Variants in TIAL1 observed in about 807,000 individuals in gnomAD.
TIAL1 encodes the protein nucleolysin TIAR.
A neutral mutation model predicts 59.7 loss-of-function variants in TIAL1; 7 were observed. The ratio of observed to expected loss-of-function variants is 0.12; its 90% CI spans 0.07 to 0.22. The LOEUF (loss-of-function observed/expected upper bound fraction) is 0.22, where lower values mean the gene tolerates loss of function less well. TIAL1 is among the 10% of genes least tolerant of loss of function. The pLI, the probability that TIAL1 is intolerant of heterozygous loss-of-function variation, is 1.00. For missense variants in TIAL1, 225 were observed against 462.5 expected (o/e 0.49, Z 4.71); for synonymous variants, 149 against 146.3 (o/e 1.02, Z -0.13).
chr10:119,577,072 C>T lies in TIAL1; in HGVS notation c.861+8G>A, dbSNP rs12245766. 14 of 1,612,446 alleles carry T rather than the reference C, an allele frequency of 8.7e-6. No homozygotes were observed. Among genetic ancestry groups the T allele is most frequent in the South Asian group, 3.3e-5 (3 of 90,544 alleles). ...AACCTTAAAGAATGCTATGAAAAAT[C>T]GAATTACCTGTTGGAAGTTTTTAGT... On this transcript the variant is annotated splice_region_variant and intron_variant, in intron 10 of 11. Transcript: ENST00000436547.
chr10:119,578,974 G>T, intron 6 of TIAL1, 140 bp from the exon 7 acceptor site: 1 of 642,530 alleles, frequency 1.6e-6, no homozygotes, highest in South Asian at 2.0e-5. Context: ...AAACGAAACT[G>T]AACTATTACC....
chr10:119,581,887 T>C, intron 5 of TIAL1, 35 bp downstream of exon 5: 2 of 1,478,516 alleles, frequency 1.4e-6, no homozygotes, highest in Non-Finnish European at 1.9e-6. Flanking sequence ...ATTCTGCCTA[T>C]CATGACTGAG....
chr10:119,582,370 T>C lies in TIAL1; in HGVS notation c.228+89A>G. The C allele has an allele frequency of 4.7e-6, 7 of 1,498,466 alleles. No homozygotes were observed. Among genetic ancestry groups the C allele is most frequent in the Non-Finnish European group, 6.2e-6 (7 of 1,121,348 alleles). The allele number at this position is 1,498,466 out of a possible 1,614,324, so 92.8% of individuals were successfully genotyped here. On this transcript the variant is annotated intron_variant, in intron 3 of 11. Coordinates refer to ENST00000436547, the MANE Select transcript of TIAL1 (RefSeq NM_003252.4). The surrounding 1 kb of genome is among the most constrained non-coding windows in gnomAD (Gnocchi z 5.1). ...AAAACCATCACTCAGCAGCCGAATA[T>C]CTGCTCAAAAATTTGCCTAGAAAGA...
chr10:119,596,725 C>T lies in TIAL1; in HGVS notation c.-260G>A, dbSNP rs1289906833. ...AACAGGGCAGAGCGCAGGCGCGACCCGCCAGGTCACCGCTCAGGCCAGCCG... is the reference window on the plus strand; with the variant it reads ...AACAGGGCAGAGCGCAGGCGCGACCTGCCAGGTCACCGCTCAGGCCAGCCG... On this transcript the variant is annotated 5_prime_UTR_variant, in exon 1 of 12. Transcript: ENST00000436547. 7.3e-6 allele frequency: 4 copies of T among 549,532 alleles called. No homozygotes were observed. The highest frequency in any genetic ancestry group is 3.9e-5 in the African/African-American group (2 of 51,800). The allele number at this position is 549,532 out of a possible 1,614,324, so 34.0% of individuals were successfully genotyped here. A position where few individuals can be genotyped will look rare whatever the true frequency, so the allele number is the denominator to read the frequency against.
intron 1 of TIAL1, among the ~76,000 whole-genome samples, chr10:119,588,844 T>C (rs1444256631): frequency 6.6e-6 from 1 of 152,234 alleles, no homozygotes; most frequent in African/African-American, 2.4e-5. Flanking sequence ...GTACCCTGGA[T>C]ATCATTTTCT....
At chr10:119,576,394 A>C (rs1844995865) in intron 11 of TIAL1, among the ~76,000 whole-genome samples, 1 of 152,200 alleles carries the variant, frequency 6.6e-6, no homozygotes, top group Non-Finnish European at 1.5e-5. Context: ...ATCATAGGAC[A>C]CACTAAATGT....
At chr10:119,587,657 A>G (rs1845637602) in intron 2 of TIAL1, among the ~76,000 whole-genome samples, 1 of 152,164 alleles carries the variant, frequency 6.6e-6, no homozygotes, top group Non-Finnish European at 1.5e-5. Context: ...TGATCAATGA[A>G]CAAAAACACA....
In TIAL1 at chr10:119,595,117, T is replaced by C. The variant is rs538357492; in HGVS notation, c.32+1317A>G. On this transcript the variant is annotated intron_variant, in intron 1 of 11. Coordinates refer to ENST00000436547, the MANE Select transcript of TIAL1 (RefSeq NM_003252.4). Reference sequence around the variant, plus strand: ...ACGTTAGAGAACACATTTATTCCTGTACAAGGCCACACCAAAAAAATCTCT... The same window carrying C: ...ACGTTAGAGAACACATTTATTCCTGCACAAGGCCACACCAAAAAAATCTCT... Among the ~76,000 whole-genome samples, 8 of 152,300 alleles carry C rather than the reference T, an allele frequency of 5.3e-5. No individual in the cohort carries two copies. The South Asian group carries it at 1.2e-3, about 24-fold the overall frequency.
chr10:119,582,365 G>T lies in TIAL1; in HGVS notation c.228+94C>A. 1.3e-6 allele frequency: 2 copies of T among 1,486,408 alleles called. No homozygotes were observed. The highest frequency in any genetic ancestry group is 1.4e-5 in the South Asian group (1 of 72,180). The allele number at this position is 1,486,408 out of a possible 1,614,324, so 92.1% of individuals were successfully genotyped here. On this transcript the variant is annotated intron_variant, in intron 3 of 11. Transcript: ENST00000436547. The surrounding 1 kb of genome is among the most constrained non-coding windows in gnomAD (Gnocchi z 5.1). ...AAAGCAAAACCATCACTCAGCAGCCGAATATCTGCTCAAAAATTTGCCTAG... is the reference window on the plus strand; with the variant it reads ...AAAGCAAAACCATCACTCAGCAGCCTAATATCTGCTCAAAAATTTGCCTAG...
At chr10:119,583,406 G>A (rs925724455) in intron 2 of TIAL1, among the ~76,000 whole-genome samples, 9 of 152,118 alleles carry the variant, frequency 5.9e-5, no homozygotes, top group Non-Finnish European at 1.0e-4. Flanking sequence ...ATAAAGATGT[G>A]AAGAAAGTAG....
Position 119,591,018 on chromosome 10 carries a change from T to G in TIAL1, c.33-2770A>C, listed in dbSNP as rs538043838. Among the ~76,000 whole-genome samples the G allele has an allele frequency of 4.3e-3, 648 of 152,330 alleles. 8 individuals are homozygous for G. Among genetic ancestry groups the G allele is most frequent in the African/African-American group, 0.015 (628 of 41,580 alleles). On this transcript the variant is annotated intron_variant, in intron 1 of 11. Transcript: ENST00000436547. The stretch of plus-strand genomic sequence containing the variant: ...TTAAATAGTTTTAAATTTCCATTAC[T>G]GTTTAAACATCAATTTCTTCAGGAA...
chr10:119,590,764 GAAAGAAAGAAAGAAAGAA>G (rs2134000508), intron 1 of TIAL1, among the ~76,000 whole-genome samples: 1 of 53,054 alleles, frequency 1.9e-5, no homozygotes, highest in South Asian at 8.0e-4. Context: ...GAGAAAGAGA[GAAAGAAAGAAAGAAAGAA>G]AGAAAGAAAG....
chr10:119,596,196 C>T (rs1386829717), intron 1 of TIAL1, among the ~76,000 whole-genome samples: 6 of 152,088 alleles, frequency 3.9e-5, no homozygotes, highest in African/African-American at 1.4e-4. Context: ...CAAAGAAGGA[C>T]GCCAGAGAAA....
chr10:119,579,397 T>G (rs906450190), intron 6 of TIAL1, among the ~76,000 whole-genome samples: 6 of 152,138 alleles, frequency 3.9e-5, no homozygotes, highest in African/African-American at 1.4e-4. Context: ...TGCTTTAAAA[T>G]CAAAGCCCAC....
intron 1 of TIAL1, 99 bp from the exon 2 acceptor site, chr10:119,588,347 C>CTTTT: frequency 1.7e-6 from 1 of 592,876 alleles, no homozygotes; most frequent in Non-Finnish European, 2.6e-6. Flanking sequence ...TTCTTTCTTT[C>CTTTT]TTTCTTTTTT....
intron 1 of TIAL1, among the ~76,000 whole-genome samples, chr10:119,590,804 G>GAAAGAAAGAAAGAAAA (rs1845839383): frequency 7.1e-6 from 1 of 140,672 alleles, no homozygotes; most frequent in Non-Finnish European, 1.6e-5. Context: ...AAGAAAGAAA[G>GAAAGAAAGAAAGAAAA]AAAGAAAGAA....
chr10:119,580,303 T>C lies in TIAL1; in HGVS notation c.372-293A>G, dbSNP rs554288374. 19 of 331,594 alleles carry C rather than the reference T, an allele frequency of 5.7e-5. No homozygotes were observed. The East Asian group carries it at 1.1e-3, about 18-fold the overall frequency. 20.5% of individuals were successfully genotyped at this position (331,594 alleles called of 1,614,324 possible). ...AACAGTTTCCCTTTCTAATATTCTA[T>C]TTACTAGTGTCCTCTAAGGTTTACT... On this transcript the variant is annotated intron_variant, in intron 5 of 11. Transcript: ENST00000436547.
At chr10:119,584,146 A>T (rs1184532532) in intron 2 of TIAL1, among the ~76,000 whole-genome samples, 3 of 152,046 alleles carry the variant, frequency 2.0e-5, no homozygotes, top group African/African-American at 7.2e-5. Flanking sequence ...ATCTAATAGT[A>T]GGCCAGCTCC....
intron 2 of TIAL1, among the ~76,000 whole-genome samples, chr10:119,584,624 C>T (rs1204192792): frequency 2.0e-5 from 3 of 151,984 alleles, no homozygotes; most frequent in Non-Finnish European, 2.9e-5. Flanking sequence ...GTCAGGAGTT[C>T]GAGACCAGCC....
Sources: gnomAD v4.1 joint callset for allele counts (sites outside exome capture counted in the v4.1 genomes callset) on GRCh38, gnomAD v4.1.1 for gene constraint, Gnocchi (gnomAD v3.1) non-coding constraint, MANE v1.5 for transcripts, NCBI Gene and HGNC (gene_info 2026-07-23, HGNC 2026-07-21) for gene names.